The following KCNH1 variants were observed in gnomAD, a reference collection of about 807,000 sequenced individuals.
The protein encoded by KCNH1 is potassium voltage-gated channel subfamily H member 1.
Under a neutral mutation model 69.2 loss-of-function variants are expected in KCNH1, and 27 were observed. The observed-to-expected ratio is 0.39, with a 90% CI of 0.29 to 0.54. The LOEUF is 0.54. Ranked by LOEUF, KCNH1 falls within the 20% of genes least tolerant of loss-of-function variation. KCNH1 has a pLI of 0.68. For synonymous variants in KCNH1, 456 were observed against 487.7 expected (o/e 0.93, Z 0.86); for missense variants, 798 against 1,261.6 (o/e 0.63, Z 5.57).
chr1:210,690,404 G>A (rs1332100341), intron 10 of KCNH1, among the ~76,000 whole-genome samples: 1 of 152,136 alleles, frequency 6.6e-6, no homozygotes, highest in East Asian at 1.9e-4. Context: ...TTGAGTGGCC[G>A]AGCGTCAGAA....
intron 7 of KCNH1, among the ~76,000 whole-genome samples, chr1:210,806,824 A>ATATATATATATATATATATATATATAT (rs1387980426): frequency 2.7e-4 from 12 of 44,922 alleles, no homozygotes; most frequent in Non-Finnish European, 5.3e-4. Flanking sequence ...AAAAAAAAAA[A>ATATATATATATATATATATATATATAT]AAAAAAAAAA....
At chr1:210,978,303 G>A (rs1688651866) in intron 6 of KCNH1, among the ~76,000 whole-genome samples, 2 of 152,142 alleles carry the variant, frequency 1.3e-5, no homozygotes, top group South Asian at 4.1e-4. Context: ...CTCCCAAAGT[G>A]CTGGGATTAC....
At chr1:210,965,495 A>C (rs1026865194) in intron 6 of KCNH1, among the ~76,000 whole-genome samples, 9 of 152,226 alleles carry the variant, frequency 5.9e-5, no homozygotes, top group Middle Eastern at 3.4e-3. Context: ...GGCACCAAAA[A>C]AGAGCCCACA....
At chr1:210,871,386 A>G (rs144162956) in intron 7 of KCNH1, among the ~76,000 whole-genome samples, 80 of 152,362 alleles carry the variant, frequency 5.3e-4, no homozygotes, top group African/African-American at 1.7e-3. Flanking sequence ...GGCAATCATT[A>G]AAAAGTCAGG....
intron 4 of KCNH1, among the ~76,000 whole-genome samples, chr1:211,085,757 G>A (rs1398284495): frequency 6.6e-6 from 1 of 152,198 alleles, no homozygotes; most frequent in Non-Finnish European, 1.5e-5. Flanking sequence ...AAGATAATAT[G>A]TACAATTTGG....
chr1:211,078,917 C>CAAAAAAA (rs769981174), intron 5 of KCNH1, among the ~76,000 whole-genome samples: 51 of 83,018 alleles, frequency 6.1e-4, no homozygotes, highest in Non-Finnish European at 8.3e-4. Context: ...GACTCCGTCT[C>CAAAAAAA]AAAAAAAAAA....
chr1:210,919,519 T>TA lies in KCNH1; in HGVS notation c.1462+120dup, dbSNP rs923044285. The TA allele has an allele frequency of 1.2e-5, 12 of 994,526 alleles. No individual in the cohort carries two copies. Among genetic ancestry groups the TA allele is most frequent in the African/African-American group, 1.6e-5 (1 of 61,812 alleles). The allele number at this position is 994,526 out of a possible 1,614,324, so 61.6% of individuals were successfully genotyped here. ...ATCAGGGTAACTGTAAGCCTAGTCT[T>TA]AAAAAAACTCTTCCTTGTTTTAAGT... On this transcript the variant is annotated intron_variant, in intron 7 of 10. Transcript: ENST00000271751. The surrounding 1 kb of genome is among the most constrained non-coding windows in gnomAD (Gnocchi z 4.2).
intron 9 of KCNH1, among the ~76,000 whole-genome samples, chr1:210,792,602 C>T (rs1684231268): frequency 6.6e-6 from 1 of 151,814 alleles, no homozygotes; most frequent in African/African-American, 2.4e-5. Flanking sequence ...AAGAGTAGAA[C>T]CAGGACTAGA....
chr1:210,859,319 GTT>G (rs1685923432), intron 7 of KCNH1: 12 of 1,513,202 alleles, frequency 7.9e-6, no homozygotes, highest in Non-Finnish European at 1.1e-5. Context: ...GTCTGTAACT[GTT>G]TTCTTTGTTC....
intron 6 of KCNH1, among the ~76,000 whole-genome samples, chr1:210,959,729 T>C (rs895126279): frequency 1.4e-4 from 22 of 152,166 alleles, no homozygotes; most frequent in African/African-American, 5.1e-4. Flanking sequence ...TAGGAGAGAA[T>C]CTCCTGGTCT....
At chr1:210,710,167 T>C (rs763266410) in intron 10 of KCNH1, among the ~76,000 whole-genome samples, 23 of 152,176 alleles carry the variant, frequency 1.5e-4, no homozygotes, top group Non-Finnish European at 2.8e-4. Context: ...TAATTGTGTT[T>C]GTCTATCTAA....
intron 7 of KCNH1, among the ~76,000 whole-genome samples, chr1:210,849,764 C>A (rs897213853): frequency 2.6e-5 from 4 of 151,996 alleles, no homozygotes; most frequent in Non-Finnish European, 5.9e-5. Flanking sequence ...TCCATCTACC[C>A]CACCCCTTTC....
At chr1:210,811,347 T>C (rs1684698535) in intron 7 of KCNH1, among the ~76,000 whole-genome samples, 1 of 152,206 alleles carries the variant, frequency 6.6e-6, no homozygotes, top group South Asian at 2.1e-4. Flanking sequence ...GTACTTATTG[T>C]CACTAATAGT....
intron 7 of KCNH1, among the ~76,000 whole-genome samples, chr1:210,847,665 G>A (rs1408751771): frequency 1.3e-5 from 2 of 151,658 alleles, no homozygotes; most frequent in Non-Finnish European, 2.9e-5. Flanking sequence ...CGCCAAGATG[G>A]CACATGTATA....
At chr1:211,127,226 A>C (rs1311396220) in intron 1 of KCNH1, among the ~76,000 whole-genome samples, 1 of 152,134 alleles carries the variant, frequency 6.6e-6, no homozygotes, top group Admixed American at 6.5e-5. Context: ...TTTTTGTTTT[A>C]ATTTTCCATT....
intron 1 of KCNH1, among the ~76,000 whole-genome samples, chr1:211,124,976 C>G (rs1008937419): frequency 6.6e-6 from 1 of 152,154 alleles, no homozygotes; most frequent in Non-Finnish European, 1.5e-5. Flanking sequence ...GCAGCCTGCT[C>G]CAGCACACCA....
chr1:210,853,946 C>CAAAAAAAAAAAAAAAACAAAAAAAAAAA (rs1685767518), intron 7 of KCNH1, among the ~76,000 whole-genome samples: 13 of 61,522 alleles, frequency 2.1e-4, no homozygotes, highest in Non-Finnish European at 2.7e-4. Flanking sequence ...TTATCTAAGC[C>CAAAAAAAAAAAAAAAACAAAAAAAAAAA]AAAAAAAAAA....
intron 7 of KCNH1, among the ~76,000 whole-genome samples, chr1:210,913,799 C>G (rs1476966233): frequency 2.6e-5 from 4 of 152,188 alleles, no homozygotes; most frequent in African/African-American, 9.7e-5. Context: ...TCTACTCAGG[C>G]ACATGACCAC....
intron 3 of KCNH1, among the ~76,000 whole-genome samples, chr1:211,093,627 G>A (rs1019494921): frequency 6.6e-6 from 1 of 152,148 alleles, no homozygotes; most frequent in African/African-American, 2.4e-5. Flanking sequence ...CCATTCCTTT[G>A]CAGTATCTAA....
Sources: allele counts gnomAD v4.1 joint callset (sites outside exome capture counted in the v4.1 genomes callset), GRCh38; gene constraint gnomAD v4.1.1; non-coding constraint Gnocchi (gnomAD v3.1); transcripts MANE v1.5; gene names NCBI Gene and HGNC (gene_info 2026-07-23, HGNC 2026-07-21).